The following LRFN2 variants were observed in gnomAD, a reference collection of about 807,000 sequenced individuals.
LRFN2 encodes the protein leucine rich repeat and fibronectin type III domain containing 2.
Under a neutral mutation model 37.3 loss-of-function variants are expected in LRFN2, and 18 were observed. The observed-to-expected ratio is 0.48, with a 90% CI of 0.33 to 0.72. LRFN2 has a LOEUF of 0.72. Among genes scored for constraint, LRFN2 ranks in the 30% least tolerant of loss-of-function variants. The pLI, the probability that LRFN2 is intolerant of heterozygous loss-of-function variation, is 0.02. For synonymous variants in LRFN2, 556 were observed against 466.6 expected (o/e 1.19, Z -2.47); for missense variants, 1,006 against 1,060.7 (o/e 0.95, Z 0.72).
chr6:40,557,291 TG>T (rs1196226929), intron 1 of LRFN2, among the ~76,000 whole-genome samples: 1 of 152,134 alleles, frequency 6.6e-6, no homozygotes. Flanking sequence ...CCAGCAGAAA[TG>T]ATGTCCTCTC....
chr6:40,420,947 G>T (rs1342272458), intron 2 of LRFN2, among the ~76,000 whole-genome samples: 1 of 152,210 alleles, frequency 6.6e-6, no homozygotes, highest in African/African-American at 2.4e-5. Context: ...ACCCCTAATG[G>T]GAGCCCCTGG....
intron 1 of LRFN2, among the ~76,000 whole-genome samples, chr6:40,453,753 T>C (rs1764172126): frequency 6.6e-6 from 1 of 152,214 alleles, no homozygotes; most frequent in Non-Finnish European, 1.5e-5. Flanking sequence ...TTTAATTTGC[T>C]GAGGGCATGT....
chr6:40,469,275 G>A lies in LRFN2; in HGVS notation c.-18-36144C>T, dbSNP rs996436591. 4.6e-5 allele frequency among the ~76,000 whole-genome samples: 7 copies of A among 152,330 alleles called. No homozygotes were observed. In the South Asian group the frequency reaches 1.2e-3, roughly 27 times the overall value. The stretch of plus-strand genomic sequence containing the variant: ...AGCCTTCAGAGGCAGTGTGACTCCA[G>A]CACCTTGGTTTCAGACTTCAGGCCC... On this transcript the variant is annotated intron_variant, in intron 1 of 2. Coordinates refer to ENST00000338305, the MANE Select transcript of LRFN2 (RefSeq NM_020737.3).
chr6:40,586,127 C>T (rs1232952954), intron 1 of LRFN2, among the ~76,000 whole-genome samples: 3 of 152,104 alleles, frequency 2.0e-5, no homozygotes, highest in African/African-American at 7.2e-5. Flanking sequence ...TCCTTTGTAC[C>T]GGGCTGATGG....
chr6:40,530,035 G>C (rs1766318413), intron 1 of LRFN2, among the ~76,000 whole-genome samples: 2 of 152,220 alleles, frequency 1.3e-5, no homozygotes, highest in African/African-American at 4.8e-5. Flanking sequence ...GGGTGAATGT[G>C]TTAGGTAACA....
chr6:40,483,008 C>T (rs1277068156), intron 1 of LRFN2, among the ~76,000 whole-genome samples: 1 of 152,250 alleles, frequency 6.6e-6, no homozygotes, highest in African/African-American at 2.4e-5. Flanking sequence ...TTGGAACTCT[C>T]ACTTCCTCCG....
Position 40,392,813 on chromosome 6 carries a change from C to T in LRFN2, c.1500G>A (p.Thr500=), listed in dbSNP as rs753121768. The change falls in exon 3 of 3, where the codon ACG becomes ACA. Residue 500 remains threonine (T), a synonymous_variant. Transcript: ENST00000338305. The surrounding 1 kb of genome is among the most constrained non-coding windows in gnomAD (Gnocchi z 4.7). ...CCACGATGTTGGTGGCCGTGAGTGT[C>T]GTGGCTGTGTCATCCCACATGGCCA... is the stretch of plus-strand genomic sequence containing the variant. ...CVLAMWDDTA[T]TLTATNIVGC... 30 of 1,614,072 alleles carry T rather than the reference C, an allele frequency of 1.9e-5. No homozygotes were observed. Among genetic ancestry groups the T allele is most frequent in the East Asian group, 1.8e-4 (8 of 44,864 alleles).
chr6:40,454,527 C>T lies in LRFN2; in HGVS notation c.-18-21396G>A, dbSNP rs116341318. Among the ~76,000 whole-genome samples, 1,314 of 152,218 alleles carry T rather than the reference C, an allele frequency of 8.6e-3. 19 individuals are homozygous for T. Among genetic ancestry groups the T allele is most frequent in the African/African-American group, 0.029 (1,223 of 41,528 alleles). On this transcript the variant is annotated intron_variant, in intron 1 of 2. Coordinates refer to ENST00000338305, the MANE Select transcript of LRFN2 (RefSeq NM_020737.3). Reference sequence around the variant, plus strand: ...TTATAGGGTCATGCTGGAGGGGGTACGTGCAGAAGGAGGTCATTGTACCCT... The same window carrying T: ...TTATAGGGTCATGCTGGAGGGGGTATGTGCAGAAGGAGGTCATTGTACCCT...
intron 1 of LRFN2, among the ~76,000 whole-genome samples, chr6:40,533,871 C>T (rs934275409): frequency 1.3e-5 from 2 of 152,174 alleles, no homozygotes; most frequent in South Asian, 2.1e-4. Flanking sequence ...GCTGGAGCAG[C>T]GTGGCATCAT....
chr6:40,539,616 G>A (rs1766515249), intron 1 of LRFN2, among the ~76,000 whole-genome samples: 1 of 152,138 alleles, frequency 6.6e-6, no homozygotes, highest in East Asian at 1.9e-4. Flanking sequence ...AAGGTGGGAG[G>A]CACATCCCAA....
intron 1 of LRFN2, among the ~76,000 whole-genome samples, chr6:40,479,845 C>T (rs1319998435): frequency 2.6e-5 from 4 of 152,336 alleles, no homozygotes; most frequent in East Asian, 1.9e-4. Context: ...CTCTCCAGCA[C>T]GCAAGGCCCT....
At chr6:40,417,644 C>T (rs923058456) in intron 2 of LRFN2, among the ~76,000 whole-genome samples, 5 of 152,108 alleles carry the variant, frequency 3.3e-5, no homozygotes, top group African/African-American at 1.2e-4. Flanking sequence ...AGGGGGAGAT[C>T]CAAAACTCCT....
intron 1 of LRFN2, among the ~76,000 whole-genome samples, chr6:40,539,751 G>A (rs1015805925): frequency 4.6e-5 from 7 of 152,128 alleles, no homozygotes; most frequent in South Asian, 4.1e-4. Flanking sequence ...GCAAATAAAC[G>A]GAGATCTAAA....
At chr6:40,496,558 C>T (rs539264893) in intron 1 of LRFN2, among the ~76,000 whole-genome samples, 1 of 152,056 alleles carries the variant, frequency 6.6e-6, no homozygotes, top group East Asian at 1.9e-4. Context: ...CTGCTTGGAC[C>T]CCTCTTACCC....
chr6:40,418,057 A>G (rs1172636414), intron 2 of LRFN2, among the ~76,000 whole-genome samples: 1 of 152,172 alleles, frequency 6.6e-6, no homozygotes. Flanking sequence ...CGTCTCATTC[A>G]AGATAAAATC....
intron 1 of LRFN2, among the ~76,000 whole-genome samples, chr6:40,585,656 G>A (rs574661119): frequency 1.3e-5 from 2 of 152,180 alleles, no homozygotes; most frequent in South Asian, 2.1e-4. Context: ...AGCCCACATA[G>A]AACCTCTAGC....
At chr6:40,434,017 C>T (rs775359167) in intron 1 of LRFN2, among the ~76,000 whole-genome samples, 17 of 152,206 alleles carry the variant, frequency 1.1e-4, no homozygotes, top group Non-Finnish European at 2.2e-4. Flanking sequence ...TTCCCAGATG[C>T]TCTTCCATGA....
chr6:40,546,458 A>T (rs1766662841), intron 1 of LRFN2, among the ~76,000 whole-genome samples: 1 of 152,166 alleles, frequency 6.6e-6, no homozygotes. Context: ...TTAGGGGCAA[A>T]GGTGAGTAGC....
intron 1 of LRFN2, among the ~76,000 whole-genome samples, chr6:40,560,600 C>T (rs1766974291): frequency 6.6e-6 from 1 of 152,138 alleles, no homozygotes. Context: ...ATCAGATCTG[C>T]CAATCACTCA....
Sources: gnomAD v4.1 joint callset for allele counts (sites outside exome capture counted in the v4.1 genomes callset) on GRCh38, gnomAD v4.1.1 for gene constraint, Gnocchi (gnomAD v3.1) non-coding constraint, MANE v1.5 for transcripts, NCBI Gene and HGNC (gene_info 2026-07-23, HGNC 2026-07-21) for gene names.